Variants in PPFIA2 observed in about 807,000 individuals in gnomAD.
PPFIA2 encodes liprin-alpha-2.
A neutral mutation model predicts 175.5 loss-of-function variants in PPFIA2; 46 were observed. That is an observed-to-expected ratio of 0.26 (90% CI 0.21 to 0.34). The LOEUF is 0.34. Among genes scored for constraint, PPFIA2 ranks in the 10% least tolerant of loss-of-function variants. The probability of loss-of-function intolerance (pLI) is 1.00; values close to 1 mark genes in which losing one functional copy is unlikely to be tolerated. For missense variants in PPFIA2, 1,179 were observed against 1,506.1 expected (o/e 0.78, Z 3.60); for synonymous variants, 568 against 511.4 (o/e 1.11, Z -1.49).
chr12:81,685,316 A>C (rs2074275170), intron 3 of PPFIA2, among the ~76,000 whole-genome samples: 1 of 152,068 alleles, frequency 6.6e-6, no homozygotes, highest in South Asian at 2.1e-4. Context: ...ACAACATTAT[A>C]GGGTAAATTT....
intron 4 of PPFIA2, among the ~76,000 whole-genome samples, chr12:81,655,191 C>T (rs2067586861): frequency 6.6e-6 from 1 of 151,882 alleles, no homozygotes; most frequent in Non-Finnish European, 1.5e-5. Flanking sequence ...TGCACCTTCT[C>T]ACTTGTTTAT....
chr12:81,477,762 C>T (rs543039157), intron 4 of PPFIA2, among the ~76,000 whole-genome samples: 2 of 152,116 alleles, frequency 1.3e-5, no homozygotes, highest in African/African-American at 4.8e-5. Flanking sequence ...CCGACTTGAT[C>T]GTGGTGGATA....
At position 81,430,565 on chromosome 12, in the gene PPFIA2, C is replaced by A. The variant is rs142959076; in HGVS notation, c.645+9407G>T. The A allele has an allele frequency of 2.5e-3, 382 of 150,646 alleles. 1 individual carries two copies. Among genetic ancestry groups the A allele is most frequent in the African/African-American group, 9.0e-3 (369 of 41,020 alleles). The allele number at this position is 150,646 out of a possible 1,614,324, so 9.3% of individuals were successfully genotyped here. ...TCTCTCTCTCTCTCTCTCTCAATAT[C>A]TTGCTATCTCACTACTTCTATCTCT... On this transcript the variant is annotated intron_variant, in intron 7 of 32. Coordinates refer to ENST00000549396, the MANE Select transcript of PPFIA2 (RefSeq NM_003625.5).
intron 4 of PPFIA2, among the ~76,000 whole-genome samples, chr12:81,497,991 C>T (rs1365560338): frequency 1.3e-5 from 2 of 152,112 alleles, no homozygotes; most frequent in African/African-American, 4.8e-5. Context: ...AAGACACAGA[C>T]AAGGAGGAGG....
chr12:81,315,106 C>G (rs2051991781), intron 22 of PPFIA2, among the ~76,000 whole-genome samples: 1 of 151,770 alleles, frequency 6.6e-6, no homozygotes, highest in Non-Finnish European at 1.5e-5. Context: ...CTCTCTGTCT[C>G]TCTGTCTCTC....
intron 4 of PPFIA2, among the ~76,000 whole-genome samples, chr12:81,546,918 T>C (rs977587848): frequency 6.6e-6 from 1 of 152,050 alleles, no homozygotes; most frequent in Non-Finnish European, 1.5e-5. Flanking sequence ...GAACTTCTGA[T>C]TCTCTACCTG....
Position 81,301,694 on chromosome 12 carries a change from T to C in PPFIA2, c.2643-2312A>G, listed in dbSNP as rs981750203. Among the ~76,000 whole-genome samples, 21 of 152,262 alleles carry C rather than the reference T, an allele frequency of 1.4e-4. 1 individual carries two copies. Among genetic ancestry groups the C allele is most frequent in the Admixed American group, 1.2e-3 (19 of 15,292 alleles). On this transcript the variant is annotated intron_variant, in intron 22 of 32. Transcript: ENST00000549396. ...TCTCAGTCAGCAACACTGGCCTCCTTGCTGTTCTTTGGAAACAACCCAGAC... is the reference window on the plus strand; with the variant it reads ...TCTCAGTCAGCAACACTGGCCTCCTCGCTGTTCTTTGGAAACAACCCAGAC...
intron 16 of PPFIA2, among the ~76,000 whole-genome samples, chr12:81,356,482 G>A (rs2060868014): frequency 1.3e-5 from 2 of 151,962 alleles, no homozygotes; most frequent in Non-Finnish European, 2.9e-5. Flanking sequence ...GGGCAAGATG[G>A]TGAAATCCCA....
At chr12:81,415,629 T>C (rs2045084397) in intron 7 of PPFIA2, among the ~76,000 whole-genome samples, 1 of 150,398 alleles carries the variant, frequency 6.6e-6, no homozygotes, top group African/African-American at 2.4e-5. Flanking sequence ...AAAAAAGAAA[T>C]CTTCCTAAAA....
At chr12:81,394,926 T>C (rs1000661716) in intron 8 of PPFIA2, among the ~76,000 whole-genome samples, 3 of 152,054 alleles carry the variant, frequency 2.0e-5, no homozygotes, top group Non-Finnish European at 4.4e-5. Context: ...AAAAGCTATC[T>C]ACCAGTTACT....
chr12:81,346,940 T>A (rs2140567937), intron 18 of PPFIA2, among the ~76,000 whole-genome samples: 1 of 152,076 alleles, frequency 6.6e-6, no homozygotes, highest in Non-Finnish European at 1.5e-5. Flanking sequence ...TTTTATTTTA[T>A]TTTTTTCAAG....
chr12:81,706,519 T>C (rs2077163678), intron 3 of PPFIA2, among the ~76,000 whole-genome samples: 1 of 152,204 alleles, frequency 6.6e-6, no homozygotes, highest in South Asian at 2.1e-4. Context: ...ATACTTTCCA[T>C]TTGAATTCAT....
intron 4 of PPFIA2, among the ~76,000 whole-genome samples, chr12:81,646,000 A>G (rs1053499734): frequency 6.6e-6 from 1 of 152,182 alleles, no homozygotes; most frequent in Non-Finnish European, 1.5e-5. Flanking sequence ...TGCCCATGGG[A>G]GAGAGACAGG....
rs573480939 is a variant in PPFIA2 at position 81,724,798 on chromosome 12, A to G, written c.249+29175T>C. Among the ~76,000 whole-genome samples the G allele has an allele frequency of 3.3e-5, 5 of 150,848 alleles. 1 individual carries two copies. Among genetic ancestry groups the G allele is most frequent in the African/African-American group, 1.2e-4 (5 of 41,334 alleles). ...TAGTGCTGCAATAAACATAAGGGGG[A>G]AGGTGTTTTTTGATATAATGATTTC... On this transcript the variant is annotated intron_variant, in intron 3 of 32. Transcript: ENST00000549396.
chr12:81,422,375 G>T (rs749218374), intron 7 of PPFIA2, among the ~76,000 whole-genome samples: 38 of 152,092 alleles, frequency 2.5e-4, no homozygotes, highest in Middle Eastern at 3.4e-3. Context: ...CCTGCTGCAT[G>T]ACTACTTTTA....
At chr12:81,441,722 G>A (rs1050466168) in intron 6 of PPFIA2, among the ~76,000 whole-genome samples, 2 of 151,850 alleles carry the variant, frequency 1.3e-5, no homozygotes, top group Non-Finnish European at 1.5e-5. Flanking sequence ...ATCAAAAAAC[G>A]TTTCAACAGA....
intron 4 of PPFIA2, among the ~76,000 whole-genome samples, chr12:81,579,981 C>A (rs963009213): frequency 6.6e-6 from 1 of 151,686 alleles, no homozygotes; most frequent in African/African-American, 2.4e-5. Context: ...TTCCAAGGAT[C>A]TTTTACTCTG....
At position 81,311,356 on chromosome 12, in the gene PPFIA2, C is replaced by T. The variant is rs115059456; in HGVS notation, c.2643-11974G>A. On this transcript the variant is annotated intron_variant, in intron 22 of 32. Coordinates refer to ENST00000549396, the MANE Select transcript of PPFIA2 (RefSeq NM_003625.5). ...GTAAAAGCTCTCCAGGGAAGAACAG[C>T]ATTTAACCCTTTTCAGATATGTGCC... Among the ~76,000 whole-genome samples the T allele has an allele frequency of 2.1e-3, 315 of 152,244 alleles. 1 individual carries two copies. The highest frequency in any genetic ancestry group is 7.4e-3 in the African/African-American group (307 of 41,564).
chr12:81,646,235 G>T (rs554311276), intron 4 of PPFIA2, among the ~76,000 whole-genome samples: 2 of 152,146 alleles, frequency 1.3e-5, no homozygotes, highest in Non-Finnish European at 2.9e-5. Flanking sequence ...TATTGCTACA[G>T]GGGAAAGGCA....
Sources: allele counts gnomAD v4.1 joint callset (sites outside exome capture counted in the v4.1 genomes callset), GRCh38; gene constraint gnomAD v4.1.1; transcripts MANE v1.5; gene names NCBI Gene and HGNC (gene_info 2026-07-23, HGNC 2026-07-21).